Variants in SLC2A14 observed in about 807,000 individuals in gnomAD.
SLC2A14 encodes solute carrier family 2 member 14.
SLC2A14 carries 13 observed loss-of-function variants against 43.0 expected under a neutral mutation model. The observed-to-expected ratio is 0.30, with a 90% CI of 0.20 to 0.48. The LOEUF (loss-of-function observed/expected upper bound fraction) is 0.48. SLC2A14 is among the 20% of genes least tolerant of loss of function. SLC2A14 has a pLI of 0.99. For synonymous variants in SLC2A14, 190 were observed against 233.8 expected, an observed-to-expected ratio of 0.81 and a Z score of 1.71; for missense variants, 428 against 620.4, an observed-to-expected ratio of 0.69 and a Z score of 3.29.
At chr12:7,818,648 C>T (rs1863676330) in intron 9 of SLC2A14, among the ~76,000 whole-genome samples, 1 of 151,346 alleles carries the variant, frequency 6.6e-6, no homozygotes, top group African/African-American at 2.4e-5. Flanking sequence ...GGTGACACAG[C>T]AAGACCCTGT....
At chr12:7,866,522 G>A (rs779141965) in intron 2 of SLC2A14, among the ~76,000 whole-genome samples, 8 of 151,926 alleles carry the variant, frequency 5.3e-5, no homozygotes, top group Admixed American at 2.6e-4. Flanking sequence ...CTGCCACCAC[G>A]CCCAGCTAAT....
intron 9 of SLC2A14, among the ~76,000 whole-genome samples, chr12:7,819,120 T>C (rs111424738): frequency 0.012 from 1,821 of 152,052 alleles, 39 homozygotes; most frequent in African/African-American, 0.041. Context: ...GGGAGGCTGA[T>C]GCAGGAGAAT....
chr12:7,883,330 T>TG (rs1945624967), intron 1 of SLC2A14, among the ~76,000 whole-genome samples: 1 of 143,314 alleles, frequency 7.0e-6, no homozygotes. Flanking sequence ...TGCAGGGGCG[T>TG]GATCTTGGCT....
intron 2 of SLC2A14, among the ~76,000 whole-genome samples, chr12:7,865,117 T>G (rs1944835868): frequency 6.6e-6 from 1 of 152,208 alleles, no homozygotes; most frequent in Non-Finnish European, 1.5e-5. Context: ...TGGTAATTCT[T>G]GTAATATTTC....
chr12:7,879,614 G>A (rs1326222194), intron 1 of SLC2A14, among the ~76,000 whole-genome samples: 2 of 152,004 alleles, frequency 1.3e-5, no homozygotes, highest in Non-Finnish European at 2.9e-5. Context: ...AACCCTGGAG[G>A]TGGAGGTTGC....
chr12:7,850,031 T>TAAAA (rs35416196), intron 2 of SLC2A14, among the ~76,000 whole-genome samples: 8 of 135,092 alleles, frequency 5.9e-5, no homozygotes, highest in Admixed American at 2.9e-4. Context: ...AAGAAAGTGC[T>TAAAA]AAAAAAAAAA....
intron 1 of SLC2A14, among the ~76,000 whole-genome samples, chr12:7,882,251 G>GTTGCCTTAAGAGA (rs145827936): frequency 0.033 from 5,006 of 151,798 alleles, 218 homozygotes; most frequent in African/African-American, 0.1. Flanking sequence ...TTCCAGACGG[G>GTTGCCTTAAGAGA]TTGCCTTAAG....
intron 1 of SLC2A14, among the ~76,000 whole-genome samples, chr12:7,883,590 CTTTTTTTT>C (rs1204450230): frequency 1.1e-5 from 1 of 95,212 alleles, no homozygotes; most frequent in South Asian, 3.4e-4. Flanking sequence ...TTTTTCTTTT[CTTTTTTTT>C]TTTTTTTTTT....
At chr12:7,866,898 T>C (rs903308215) in intron 2 of SLC2A14, among the ~76,000 whole-genome samples, 1 of 151,494 alleles carries the variant, frequency 6.6e-6, no homozygotes, top group African/African-American at 2.4e-5. Context: ...TCAGTGTAGA[T>C]GAAAAAGCCT....
At chr12:7,873,327 G>GC, upstream of SLC2A14, 1 of 985,404 alleles carries the variant, frequency 1.0e-6, no homozygotes, top group South Asian at 4.7e-5. Context: ...GGCTGGGAAG[G>GC]CCCAGGGCGA....
intron 2 of SLC2A14, among the ~76,000 whole-genome samples, chr12:7,859,383 C>A (rs1481705212): frequency 6.6e-6 from 1 of 151,672 alleles, no homozygotes; most frequent in Admixed American, 6.6e-5. Flanking sequence ...GAGCAAGACT[C>A]CGCTGTCTCA....
At chr12:7,834,236 C>T (rs1203674360) in intron 2 of SLC2A14, among the ~76,000 whole-genome samples, 1 of 149,224 alleles carries the variant, frequency 6.7e-6, no homozygotes, top group Non-Finnish European at 1.5e-5. Context: ...CTCTTATTTT[C>T]CTTCATTTTC....
In SLC2A14 at chr12:7,869,586, T is replaced by C. The variant is rs1404331763; in HGVS notation, c.18+277A>G. On this transcript the variant is annotated intron_variant, in intron 2 of 10. Transcript: ENST00000431042. ...GCATATGATTATTACGGAGGCCTGT[T>C]TGCAATTACAATGCTGATCATAAAT... 2.0e-5 allele frequency among the ~76,000 whole-genome samples: 3 copies of C among 152,192 alleles called. No homozygotes were observed. The East Asian group carries it at 5.8e-4, about 29-fold the overall frequency.
chr12:7,881,306 C>T (rs1220667683), intron 1 of SLC2A14, among the ~76,000 whole-genome samples: 1 of 152,000 alleles, frequency 6.6e-6, no homozygotes, highest in Non-Finnish European at 1.5e-5. Flanking sequence ...AACCCGGCTG[C>T]GCGCGGTGCT....
chr12:7,836,986 G>A (rs930009708), intron 2 of SLC2A14, among the ~76,000 whole-genome samples: 5 of 151,792 alleles, frequency 3.3e-5, no homozygotes, highest in African/African-American at 1.2e-4. Flanking sequence ...GGCCAATATA[G>A]TGAAACCCCA....
chr12:7,816,046 G>A (rs1342507425), intron 10 of SLC2A14, among the ~76,000 whole-genome samples: 1 of 150,888 alleles, frequency 6.6e-6, no homozygotes, highest in East Asian at 2.0e-4. Flanking sequence ...GATTACAGGC[G>A]CCTGCCACCA....
chr12:7,819,254 A>G (rs1863734740), intron 9 of SLC2A14, among the ~76,000 whole-genome samples: 1 of 152,158 alleles, frequency 6.6e-6, no homozygotes, highest in Non-Finnish European at 1.5e-5. Context: ...ATTAAATTAG[A>G]TAACTTATTT....
At chr12:7,859,912 A>G (rs879449675) in intron 2 of SLC2A14, among the ~76,000 whole-genome samples, 1 of 152,164 alleles carries the variant, frequency 6.6e-6, no homozygotes, top group Non-Finnish European at 1.5e-5. Context: ...ATTTATATGG[A>G]CCTTGAAAGA....
chr12:7,839,921 CTACAAAAAAA>C (rs1865787543), intron 2 of SLC2A14: 2 of 139,184 alleles, frequency 1.4e-5, no homozygotes, highest in South Asian at 8.9e-5. Flanking sequence ...GACCCTGTCT[CTACAAAAAAA>C]AAAAAAAAAA....
Sources: allele counts gnomAD v4.1 joint callset (sites outside exome capture counted in the v4.1 genomes callset), GRCh38; gene constraint gnomAD v4.1.1; transcripts MANE v1.5; gene names NCBI Gene and HGNC (gene_info 2026-07-23, HGNC 2026-07-21).